The following HYCC2 variants were observed in gnomAD, a reference collection of about 807,000 sequenced individuals.
The protein encoded by HYCC2 is hyccin PI4KA lipid kinase complex subunit 2.
At chr2:200,999,284 A>G in the HYCC2 span, among the ~76,000 whole-genome samples, 1 of 152,214 alleles carries the variant, frequency 6.6e-6, no homozygotes, top group Non-Finnish European at 1.5e-5. Context: ...ACTTTAAAAA[A>G]AATTTTTTAA....
chr2:201,000,695 C>A, the HYCC2 span, among the ~76,000 whole-genome samples: 5 of 152,110 alleles, frequency 3.3e-5, no homozygotes, highest in Admixed American at 3.3e-4. Context: ...TACCATATGA[C>A]CTAGCAATTC....
chr2:201,026,142 A>C, the HYCC2 span, among the ~76,000 whole-genome samples: 11 of 152,300 alleles, frequency 7.2e-5, no homozygotes, highest in Non-Finnish European at 1.5e-4. Context: ...AATGGAAAAC[A>C]AAAAAAGCAG....
chr2:201,016,898 G>T, the HYCC2 span: 1 of 1,316,110 alleles, frequency 7.6e-7, no homozygotes, highest in Non-Finnish European at 1.0e-6. Context: ...ACTGCGCCTG[G>T]CCAATTTATT....
At chr2:201,028,441 T>C in the HYCC2 span, among the ~76,000 whole-genome samples, 1 of 152,180 alleles carries the variant, frequency 6.6e-6, no homozygotes, top group African/African-American at 2.4e-5. Flanking sequence ...ATGACTTTCT[T>C]CACAGAATTG....
the HYCC2 span, among the ~76,000 whole-genome samples, chr2:201,047,988 A>G: frequency 6.6e-6 from 1 of 152,058 alleles, no homozygotes; most frequent in African/African-American, 2.4e-5. Context: ...AATCATAAAC[A>G]TGGAAATGTA....
chr2:201,000,806 A>C, the HYCC2 span, among the ~76,000 whole-genome samples: 4 of 152,048 alleles, frequency 2.6e-5, no homozygotes, highest in Non-Finnish European at 5.9e-5. Flanking sequence ...ATTCATGTTG[A>C]AACTTAATCA....
chr2:200,997,539 A>G, the HYCC2 span: 1 of 1,599,306 alleles, frequency 6.3e-7, no homozygotes, highest in Non-Finnish European at 8.6e-7. Context: ...AGGACTTCAA[A>G]CCTAAAAACA....
the HYCC2 span, chr2:201,063,396 C>A: frequency 6.3e-7 from 1 of 1,587,058 alleles, no homozygotes; most frequent in Non-Finnish European, 8.5e-7. Context: ...GCCCACTTAA[C>A]TGTGAAAAAG....
chr2:201,054,459 A>C, the HYCC2 span, among the ~76,000 whole-genome samples: 1 of 152,304 alleles, frequency 6.6e-6, no homozygotes, highest in African/African-American at 2.4e-5. Flanking sequence ...AAACCTAGTA[A>C]ATGAAGATAA....
the HYCC2 span, among the ~76,000 whole-genome samples, chr2:201,037,539 G>C: frequency 4.0e-3 from 607 of 152,148 alleles, 2 homozygotes; most frequent in African/African-American, 0.011. Context: ...GGTACCAAAA[G>C]AGAGATATAG....
chr2:201,036,474 AACATCAATG>A, the HYCC2 span, among the ~76,000 whole-genome samples: 122 of 152,380 alleles, frequency 8.0e-4, 4 homozygotes, highest in East Asian at 0.02. Context: ...CCCTGATGTG[AACATCAATG>A]CAAAAATCCT....
chr2:200,975,324 T>C, the HYCC2 span: 1 of 152,022 alleles, frequency 6.6e-6, no homozygotes, highest in Admixed American at 6.6e-5. Context: ...TTGTAATCAA[T>C]GAAGATGTAA....
the HYCC2 span, among the ~76,000 whole-genome samples, chr2:201,029,963 G>A: frequency 3.4e-3 from 512 of 152,180 alleles, 3 homozygotes; most frequent in African/African-American, 8.8e-3. Context: ...CATGCACACC[G>A]GTAGTCCCAG....
the HYCC2 span, among the ~76,000 whole-genome samples, chr2:201,013,882 C>T: frequency 5.9e-5 from 9 of 152,060 alleles, no homozygotes; most frequent in Non-Finnish European, 1.0e-4. Flanking sequence ...TACAACTCCC[C>T]CTGGGGCTAT....
chr2:201,011,453 C>A, the HYCC2 span: 1 of 1,573,384 alleles, frequency 6.4e-7, no homozygotes, highest in South Asian at 1.2e-5. Flanking sequence ...TTTATTGTTC[C>A]CATCTTTATC....
At chr2:201,017,157 ACAGGCTCCAGGAGC>A in the HYCC2 span, 4 of 1,613,180 alleles carry the variant, frequency 2.5e-6, no homozygotes, top group Non-Finnish European at 3.4e-6. Flanking sequence ...CTGATGGCAG[ACAGGCTCCAGGAGC>A]TAAAAGGAAA....
At chr2:201,042,861 G>A in the HYCC2 span, among the ~76,000 whole-genome samples, 1 of 149,112 alleles carries the variant, frequency 6.7e-6, no homozygotes, top group African/African-American at 2.5e-5. Flanking sequence ...AGGTGGGGGG[G>A]CCCCTCTGCC....
chr2:201,008,698 C>T, the HYCC2 span, among the ~76,000 whole-genome samples: 6 of 152,162 alleles, frequency 3.9e-5, 1 homozygote, highest in South Asian at 1.2e-3. Context: ...AGTTCGAGAC[C>T]AGCCTGGACA....
At chr2:201,042,537 G>A in the HYCC2 span, among the ~76,000 whole-genome samples, 40 of 151,148 alleles carry the variant, frequency 2.6e-4, no homozygotes, top group Middle Eastern at 0.01. Context: ...CCGCCACCCC[G>A]TCTGGGAGGT....
Sources: allele counts gnomAD v4.1 joint callset (sites outside exome capture counted in the v4.1 genomes callset), GRCh38; gene constraint gnomAD v4.1.1; transcripts MANE v1.5; gene names NCBI Gene and HGNC (gene_info 2026-07-23, HGNC 2026-07-21).